Variants in HCN1 observed in about 807,000 individuals in gnomAD.
HCN1 encodes hyperpolarization activated cyclic nucleotide gated potassium channel 1, also known as potassium/sodium hyperpolarization-activated cyclic nucleotide-gated channel 1.
HCN1 carries 13 observed loss-of-function variants against 78.9 expected under a neutral mutation model. The observed-to-expected ratio is 0.16, with a 90% CI of 0.11 to 0.26. The LOEUF is 0.26. Among genes scored for constraint, HCN1 ranks in the 10% least tolerant of loss-of-function variants. HCN1 has a pLI of 1.00. For synonymous variants in HCN1, 552 were observed against 455.5 expected (o/e 1.21, Z -2.70); for missense variants, 810 against 1,154.3 (o/e 0.70, Z 4.32).
At chr5:45,533,773 G>C (rs1342325877) in intron 2 of HCN1, among the ~76,000 whole-genome samples, 2 of 152,116 alleles carry the variant, frequency 1.3e-5, no homozygotes, top group Non-Finnish European at 2.9e-5. Context: ...CTGGAGTTCA[G>C]TTTTTTCTCA....
Position 45,357,021 on chromosome 5 carries a change from T to G in HCN1, c.1231-3775A>C, listed in dbSNP as rs573441441. 5.9e-5 allele frequency among the ~76,000 whole-genome samples: 9 copies of G among 152,178 alleles called. No individual in the cohort carries two copies. The East Asian group carries it at 1.5e-3, about 26-fold the overall frequency. On this transcript the variant is annotated intron_variant, in intron 4 of 7. Coordinates refer to ENST00000303230, the MANE Select transcript of HCN1 (RefSeq NM_021072.4). The stretch of plus-strand genomic sequence containing the variant: ...ACATTTATTTCTTGGGTAATTAGCC[T>G]TCATTTAGTATTATTTTTTTTCTAG...
chr5:45,403,540 T>C lies in HCN1; in HGVS notation c.1012-6830A>G, dbSNP rs1739863901. On this transcript the variant is annotated intron_variant, in intron 3 of 7. Coordinates refer to ENST00000303230, the MANE Select transcript of HCN1 (RefSeq NM_021072.4). ...GGGAAAAAGGTCCCTTATAAAACCATCAGATCTAGTGAGAACTCACTCACT... is the reference window on the plus strand; with the variant it reads ...GGGAAAAAGGTCCCTTATAAAACCACCAGATCTAGTGAGAACTCACTCACT... Among the ~76,000 whole-genome samples, 3 of 152,006 alleles carry C rather than the reference T, an allele frequency of 2.0e-5. No homozygotes were observed. In the South Asian group the frequency reaches 6.2e-4, roughly 31 times the overall value.
chr5:45,458,785 T>C (rs1314597242), intron 3 of HCN1, among the ~76,000 whole-genome samples: 4 of 152,084 alleles, frequency 2.6e-5, no homozygotes, highest in Non-Finnish European at 4.4e-5. Flanking sequence ...AGCCAAAAAG[T>C]GGGGCAAAAT....
At chr5:45,424,943 T>G (rs1371030239) in intron 3 of HCN1, among the ~76,000 whole-genome samples, 1 of 152,214 alleles carries the variant, frequency 6.6e-6, no homozygotes, top group East Asian at 1.9e-4. Context: ...TTATAATAGA[T>G]GTTTTCAATC....
intron 4 of HCN1, among the ~76,000 whole-genome samples, chr5:45,372,796 T>A (rs1413140792): frequency 1.4e-5 from 2 of 141,436 alleles, no homozygotes; most frequent in African/African-American, 5.3e-5. Flanking sequence ...CAAAAATATT[T>A]ACGTATTCTA....
intron 4 of HCN1, among the ~76,000 whole-genome samples, chr5:45,379,515 G>A (rs1747761466): frequency 6.6e-6 from 1 of 152,014 alleles, no homozygotes; most frequent in African/African-American, 2.4e-5. Context: ...GTCCAATCTG[G>A]TATGATAACA....
intron 2 of HCN1, among the ~76,000 whole-genome samples, chr5:45,489,890 T>TA (rs1289162641): frequency 2.0e-5 from 3 of 152,274 alleles, no homozygotes; most frequent in Middle Eastern, 3.4e-3. Flanking sequence ...GGCTGACAAT[T>TA]AGGGATGTCA....
intron 3 of HCN1, among the ~76,000 whole-genome samples, chr5:45,427,961 G>T (rs1015644187): frequency 2.0e-5 from 3 of 151,988 alleles, no homozygotes; most frequent in Non-Finnish European, 4.4e-5. Flanking sequence ...TCCTCAGCCT[G>T]TGAAATCTGT....
chr5:45,617,347 C>T (rs896200616), intron 2 of HCN1: 4 of 152,050 alleles, frequency 2.6e-5, no homozygotes, highest in Non-Finnish European at 4.4e-5. Context: ...AACGGATGTA[C>T]CTCATGGACA....
chr5:45,586,530 C>A (rs1744231774), intron 2 of HCN1, among the ~76,000 whole-genome samples: 1 of 152,124 alleles, frequency 6.6e-6, no homozygotes, highest in Admixed American at 6.5e-5. Context: ...CACCCACTGT[C>A]CTGCACCCAC....
chr5:45,558,130 T>C (rs1470255995), intron 2 of HCN1: 1 of 82,720 alleles, frequency 1.2e-5, no homozygotes, highest in African/African-American at 3.9e-5. Flanking sequence ...AACACAGAAT[T>C]AATTTAAAAA....
intron 2 of HCN1, among the ~76,000 whole-genome samples, chr5:45,637,234 C>A (rs976968278): frequency 6.6e-6 from 1 of 152,104 alleles, no homozygotes; most frequent in Non-Finnish European, 1.5e-5. Flanking sequence ...CTCTTCTACT[C>A]CCTACCACAC....
chr5:45,631,524 C>T lies in HCN1; in HGVS notation c.849+13661G>A, dbSNP rs906857029. On this transcript the variant is annotated intron_variant, in intron 2 of 7. Coordinates refer to ENST00000303230, the MANE Select transcript of HCN1 (RefSeq NM_021072.4). ...ACATATTATCATTTGCTGTGAGAAG[C>T]TACTAAGATATTTTTGCCTGCATGA... Among the ~76,000 whole-genome samples the T allele has an allele frequency of 2.3e-4, 35 of 151,988 alleles. 1 individual carries two copies. Among genetic ancestry groups the T allele is most frequent in the African/African-American group, 8.4e-4 (35 of 41,454 alleles).
intron 2 of HCN1, among the ~76,000 whole-genome samples, chr5:45,564,072 G>A (rs1402188566): frequency 1.3e-5 from 2 of 152,078 alleles, no homozygotes; most frequent in Non-Finnish European, 2.9e-5. Context: ...CATAAATGTC[G>A]TAAAATTCTT....
chr5:45,638,271 G>A (rs140564256), intron 2 of HCN1, among the ~76,000 whole-genome samples: 16 of 152,222 alleles, frequency 1.1e-4, no homozygotes, highest in African/African-American at 3.4e-4. Flanking sequence ...GAGTCATGTG[G>A]ACATTGAGGC....
intron 4 of HCN1, among the ~76,000 whole-genome samples, chr5:45,369,227 T>C (rs1747298909): frequency 6.6e-6 from 1 of 152,092 alleles, no homozygotes; most frequent in African/African-American, 2.4e-5. Flanking sequence ...ACCTGTTCAC[T>C]TCTATTGCTA....
chr5:45,284,887 A>G (rs1745236387), intron 6 of HCN1, among the ~76,000 whole-genome samples: 1 of 152,056 alleles, frequency 6.6e-6, no homozygotes, highest in South Asian at 2.1e-4. Context: ...CCTCCTTCCT[A>G]TGCACCATAA....
At chr5:45,464,662 A>T (rs535797214) in intron 2 of HCN1, among the ~76,000 whole-genome samples, 1 of 151,722 alleles carries the variant, frequency 6.6e-6, no homozygotes, top group African/African-American at 2.4e-5. Context: ...AGCATATGTA[A>T]AGTATATAAT....
chr5:45,278,547 C>T (rs1049369012), intron 6 of HCN1, among the ~76,000 whole-genome samples: 1 of 151,928 alleles, frequency 6.6e-6, no homozygotes, highest in African/African-American at 2.4e-5. Flanking sequence ...CACTAATGAG[C>T]AAATTGAAAG....
Sources: allele counts gnomAD v4.1 joint callset (sites outside exome capture counted in the v4.1 genomes callset), GRCh38; gene constraint gnomAD v4.1.1; transcripts MANE v1.5; gene names NCBI Gene and HGNC (gene_info 2026-07-23, HGNC 2026-07-21).